LPIN1: variants seen among roughly 807,000 people sequenced by gnomAD.
LPIN1 encodes the protein phosphatidate phosphatase LPIN1.
A neutral mutation model predicts 107.5 loss-of-function variants in LPIN1; 71 were observed. The ratio of observed to expected loss-of-function variants is 0.66; its 90% CI spans 0.55 to 0.80. The LOEUF is 0.80. Ranked by LOEUF, LPIN1 falls within the 30% of genes least tolerant of loss-of-function variation. The pLI is 0.00. For missense variants in LPIN1, 1,043 were observed against 1,160.6 expected (o/e 0.90, Z 1.47); for synonymous variants, 445 against 452.6 (o/e 0.98, Z 0.21).
chr2:11,794,347 A>T (rs184153458), intron 13 of LPIN1, among the ~76,000 whole-genome samples: 2 of 152,354 alleles, frequency 1.3e-5, no homozygotes, highest in African/African-American at 4.8e-5. Context: ...AGGAACAGTT[A>T]TGAAATTAAA....
chr2:11,740,684 G>GAAAAAAAAAAAAAAAAAAAGAAAAA (rs1666260329), intron 1 of LPIN1, among the ~76,000 whole-genome samples: 1 of 81,554 alleles, frequency 1.2e-5, no homozygotes, highest in Non-Finnish European at 2.4e-5. Flanking sequence ...GCTCTATCTC[G>GAAAAAAAAAAAAAAAAAAAGAAAAA]AAAAAAAAAA....
rs1043951432 is a variant in LPIN1, at chr2:11,818,496, G to A, written c.2403-988G>A. On this transcript the variant is annotated intron_variant, in intron 18 of 20. Coordinates refer to ENST00000674199, the MANE Select transcript of LPIN1 (RefSeq NM_001349206.2). ...TGTTTCTAATGCATGAAAATGATGCGATTAATTTTTGTACTTTTTTTTTTT... is the reference window on the plus strand; with the variant it reads ...TGTTTCTAATGCATGAAAATGATGCAATTAATTTTTGTACTTTTTTTTTTT... The A allele has an allele frequency of 1.5e-4, 22 of 150,732 alleles. 1 individual carries two copies. The highest frequency in any genetic ancestry group is 3.9e-4 in the African/African-American group (16 of 40,918). The allele number at this position is 150,732 out of a possible 1,614,324, so 9.3% of individuals were successfully genotyped here.
chr2:11,713,942 G>T (rs925150703), intron 2 of LPIN1: 2 of 585,130 alleles, frequency 3.4e-6, no homozygotes, highest in African/African-American at 1.8e-5. Context: ...ATTCCTTTCC[G>T]CTGATGCTTT....
chr2:11,755,177 C>T (rs540608972), intron 1 of LPIN1, among the ~76,000 whole-genome samples: 1 of 152,142 alleles, frequency 6.6e-6, no homozygotes, highest in East Asian at 1.9e-4. Context: ...CCATGTTAGC[C>T]AGGATGGTCT....
intron 1 of LPIN1, among the ~76,000 whole-genome samples, chr2:11,678,721 G>A (rs1661555638): frequency 6.6e-6 from 1 of 152,242 alleles, no homozygotes; most frequent in Non-Finnish European, 1.5e-5. Context: ...CGGCAATGCA[G>A]TGAGGGCTCT....
At chr2:11,794,659 C>T (rs747748580) in intron 13 of LPIN1, among the ~76,000 whole-genome samples, 12 of 152,176 alleles carry the variant, frequency 7.9e-5, no homozygotes, top group African/African-American at 1.4e-4. Flanking sequence ...GAGATTTAGT[C>T]GTTCACCCTC....
At chr2:11,746,697 C>T (rs890684644) in intron 1 of LPIN1, 26 bp downstream of exon 1, 44 of 980,940 alleles carry the variant, frequency 4.5e-5, no homozygotes, top group Non-Finnish European at 4.6e-5. Context: ...CTCCAGCCTC[C>T]CGCTGTGGAG....
Position 11,707,235 on chromosome 2 carries a change from C to T in LPIN1, c.82-6521C>T, listed in dbSNP as rs193212913. ...AGAAAAAGACAGCAGGGTAAGGAGA[C>T]GGGGGATGATCAGATGGACCAAGGA... On this transcript the variant is annotated intron_variant, in intron 1 of 21. Transcript: ENST00000449576. This position sits in a 1 kb window ranked among gnomAD's most constrained non-coding sequence, Gnocchi z 4.2. Among the ~76,000 whole-genome samples the T allele has an allele frequency of 1.8e-4, 28 of 152,236 alleles. No individual in the cohort carries two copies. Among genetic ancestry groups the T allele is most frequent in the South Asian group, 4.2e-4 (2 of 4,818 alleles).
At chr2:11,819,703 A>G in intron 19 of LPIN1, 105 bp downstream of exon 19, 1 of 881,918 alleles carries the variant, frequency 1.1e-6, no homozygotes, top group South Asian at 1.3e-5. Context: ...TCAGATTCTC[A>G]TCCCAGAAGC....
intron 14 of LPIN1, among the ~76,000 whole-genome samples, chr2:11,801,519 C>T (rs771939460): frequency 3.2e-4 from 48 of 152,108 alleles, no homozygotes; most frequent in Non-Finnish European, 4.7e-4. Flanking sequence ...ACAAATATCA[C>T]GTGTTCTTAC....
intron 1 of LPIN1, chr2:11,683,442 A>G (rs1279704804): frequency 6.6e-6 from 1 of 152,482 alleles, no homozygotes; most frequent in Non-Finnish European, 1.5e-5. Context: ...GACTCCAGAC[A>G]TGGGAGATGG....
In LPIN1 at chr2:11,765,637, C is replaced by T. The variant is rs746591823; in HGVS notation, c.96C>T (p.Asp32=). Residue 32 remains aspartate (D), a synonymous_variant, in exon 2 of 21, where the codon GAC becomes GAT. Transcript: ENST00000674199. This position sits in a 1 kb window ranked among gnomAD's most constrained non-coding sequence, Gnocchi z 4.4. ...CCGCCACACTCTCAGGGTGCATTGA[C>T]ATCATTGTCATCCGCCAGCCCAATG... ...LNPATLSGCI[D]IIVIRQPNGN... 3 of 1,614,166 alleles carry T rather than the reference C, an allele frequency of 1.9e-6. No individual in the cohort carries two copies. The highest frequency in any genetic ancestry group is 1.7e-5 in the Admixed American group (1 of 60,030).
chr2:11,776,300 T>A, intron 6 of LPIN1, 107 bp downstream of exon 6: 1 of 601,370 alleles, frequency 1.7e-6, no homozygotes. Flanking sequence ...ATGAAGAAAA[T>A]ACCTGTAGAT....
chr2:11,773,619 G>C lies in LPIN1; in HGVS notation c.597-1G>C, dbSNP rs748867253. On this transcript the variant is annotated splice_acceptor_variant, in intron 4 of 20. Coordinates refer to ENST00000674199, the MANE Select transcript of LPIN1 (RefSeq NM_001349206.2). LOFTEE classifies it high-confidence loss of function. Reference sequence around the variant, plus strand: ...CTTTAATCTTTTTTTTTTTCCTCCAGAACTCTTCCTAATGATATACCTCCA... The same window carrying C: ...CTTTAATCTTTTTTTTTTTCCTCCACAACTCTTCCTAATGATATACCTCCA... 1 of 1,605,172 alleles carries C rather than the reference G, an allele frequency of 6.2e-7. No homozygotes were observed. Among genetic ancestry groups the C allele is most frequent in the East Asian group, 2.2e-5 (1 of 44,786 alleles).
rs116409906 is a variant in LPIN1, at chr2:11,696,006, A to G, written c.82-17750A>G. On this transcript the variant is annotated intron_variant, in intron 1 of 21. Transcript: ENST00000449576. ...TTCCCACTGCTGTGAGGTCGGCAGC[A>G]TCCTTCACCATCCTATGGCTCTGAC... Among the ~76,000 whole-genome samples, 961 of 147,800 alleles carry G rather than the reference A, an allele frequency of 6.5e-3. 12 individuals are homozygous for G. Among genetic ancestry groups the G allele is most frequent in the African/African-American group, 0.023 (907 of 39,536 alleles).
Position 11,784,964 on chromosome 2 carries a change from C to G in LPIN1, c.1437C>G (p.Gly479=). ...CCAACCAGTCCCCGCAGTCGGTGGGCAGCTCGGGCGTGGACAGTGGCGTGG... is the reference window on the plus strand; with the variant it reads ...CCAACCAGTCCCCGCAGTCGGTGGGGAGCTCGGGCGTGGACAGTGGCGTGG... ...RSANQSPQSV[G]SSGVDSGVES... The change falls in exon 10 of 21, where the codon GGC becomes GGG. Residue 479 remains glycine, a synonymous_variant. Coordinates refer to ENST00000674199, the MANE Select transcript of LPIN1 (RefSeq NM_001349206.2). 1.9e-6 allele frequency: 3 copies of G among 1,613,966 alleles called. No individual in the cohort carries two copies. The highest frequency in any genetic ancestry group is 2.7e-5 in the African/African-American group (2 of 75,066).
chr2:11,732,498 AG>A (rs1188995999), intron 1 of LPIN1, among the ~76,000 whole-genome samples: 1 of 152,222 alleles, frequency 6.6e-6, no homozygotes, highest in Non-Finnish European at 1.5e-5. Context: ...TTTCCGCATC[AG>A]GTTGTAGAAA....
intron 1 of LPIN1, among the ~76,000 whole-genome samples, chr2:11,725,187 GGAGGCA>G (rs1423973214): frequency 6.6e-6 from 1 of 152,254 alleles, no homozygotes; most frequent in Non-Finnish European, 1.5e-5. Flanking sequence ...CGTGAACCCA[GGAGGCA>G]GAGCCTGCAT....
At chr2:11,704,325 C>T (rs1454707068) in intron 1 of LPIN1, among the ~76,000 whole-genome samples, 1 of 152,212 alleles carries the variant, frequency 6.6e-6, no homozygotes, top group Non-Finnish European at 1.5e-5. Flanking sequence ...AAGCTTAAGC[C>T]TTCCATATTG....
Sources: gnomAD v4.1 joint callset for allele counts (sites outside exome capture counted in the v4.1 genomes callset) on GRCh38, gnomAD v4.1.1 for gene constraint, Gnocchi (gnomAD v3.1) non-coding constraint, MANE v1.5 for transcripts, NCBI Gene and HGNC (gene_info 2026-07-23, HGNC 2026-07-21) for gene names.